Variants in UBASH3B observed in about 807,000 individuals in gnomAD.
UBASH3B encodes ubiquitin-associated and SH3 domain-containing protein B.
In UBASH3B, 37 loss-of-function variants were observed where a neutral mutation model predicts 83.4. That is an observed-to-expected ratio of 0.44 (90% CI 0.34 to 0.58). The LOEUF is 0.58. Among genes scored for constraint, UBASH3B ranks in the 20% least tolerant of loss-of-function variants. UBASH3B has a pLI of 0.01. For synonymous variants in UBASH3B, 304 were observed against 318.3 expected, an observed-to-expected ratio of 0.96 and a Z score of 0.48; for missense variants, 657 against 827.2, an observed-to-expected ratio of 0.79 and a Z score of 2.52.
intron 1 of UBASH3B, among the ~76,000 whole-genome samples, chr11:122,749,790 T>C (rs926980070): frequency 6.6e-6 from 1 of 152,238 alleles, no homozygotes; most frequent in Non-Finnish European, 1.5e-5. Context: ...TGCAATGCAG[T>C]GGCGCTTTCT....
chr11:122,783,490 AG>A (rs1472317484), intron 5 of UBASH3B, among the ~76,000 whole-genome samples: 1 of 152,212 alleles, frequency 6.6e-6, no homozygotes, highest in Non-Finnish European at 1.5e-5. Flanking sequence ...CCAGCAAAAA[AG>A]AAATGAAATG....
chr11:122,702,574 G>A (rs1306923953), intron 1 of UBASH3B, among the ~76,000 whole-genome samples: 2 of 151,874 alleles, frequency 1.3e-5, no homozygotes, highest in Non-Finnish European at 2.9e-5. Flanking sequence ...GCCGAGGCTG[G>A]AGTGCAATGG....
At chr11:122,694,549 C>T (rs535015911) in intron 1 of UBASH3B, among the ~76,000 whole-genome samples, 1 of 151,424 alleles carries the variant, frequency 6.6e-6, no homozygotes, top group African/African-American at 2.4e-5. Context: ...CCAGTCTGGG[C>T]AATATAGCAA....
intron 1 of UBASH3B, among the ~76,000 whole-genome samples, chr11:122,691,953 G>A (rs1447680669): frequency 6.6e-6 from 1 of 152,160 alleles, no homozygotes; most frequent in Non-Finnish European, 1.5e-5. Context: ...GATCATGAAG[G>A]AGGGCGGTAG....
chr11:122,764,633 G>C (rs191973044), intron 1 of UBASH3B, among the ~76,000 whole-genome samples: 2 of 152,222 alleles, frequency 1.3e-5, no homozygotes, highest in African/African-American at 4.8e-5. Flanking sequence ...ACTGAATTGC[G>C]TGGATCTTAT....
chr11:122,782,796 G>A (rs538059718), intron 4 of UBASH3B: 4 of 396,920 alleles, frequency 1.0e-5, no homozygotes, highest in Non-Finnish European at 1.8e-5. Flanking sequence ...TAACTAAAAG[G>A]ACTGCCCTCA....
At chr11:122,714,374 G>A (rs1864239696) in intron 1 of UBASH3B, among the ~76,000 whole-genome samples, 1 of 152,196 alleles carries the variant, frequency 6.6e-6, no homozygotes, top group South Asian at 2.1e-4. Flanking sequence ...TCCTGAAATT[G>A]CTACCTATTG....
intron 1 of UBASH3B, among the ~76,000 whole-genome samples, chr11:122,688,797 A>G (rs1196631072): frequency 1.3e-5 from 2 of 151,994 alleles, no homozygotes; most frequent in African/African-American, 4.8e-5. Context: ...GGCGCCCGCC[A>G]CCACGCCCGG....
chr11:122,682,267 A>G (rs751463348), intron 1 of UBASH3B, among the ~76,000 whole-genome samples: 4 of 152,162 alleles, frequency 2.6e-5, no homozygotes, highest in Non-Finnish European at 4.4e-5. Context: ...GGAGCCACCA[A>G]CAGACACAAG....
At chr11:122,717,880 C>T (rs1337803293) in intron 1 of UBASH3B, among the ~76,000 whole-genome samples, 4 of 151,666 alleles carry the variant, frequency 2.6e-5, no homozygotes, top group Middle Eastern at 3.4e-3. Context: ...TTCAACTGTA[C>T]GTGGATTTCT....
intron 4 of UBASH3B, among the ~76,000 whole-genome samples, chr11:122,781,648 G>T (rs1233678234): frequency 6.6e-6 from 1 of 152,204 alleles, no homozygotes; most frequent in Non-Finnish European, 1.5e-5. Context: ...AGCTGGTCCC[G>T]CTCCTTATTA....
At chr11:122,795,581 C>T (rs148419520) in intron 7 of UBASH3B, among the ~76,000 whole-genome samples, 16 of 152,318 alleles carry the variant, frequency 1.1e-4, no homozygotes, top group African/African-American at 3.6e-4. Flanking sequence ...TGTCATCACC[C>T]AGAGGTAGCA....
intron 1 of UBASH3B, among the ~76,000 whole-genome samples, chr11:122,661,373 C>G (rs1479464135): frequency 6.6e-6 from 1 of 152,182 alleles, no homozygotes; most frequent in Admixed American, 6.5e-5. Flanking sequence ...ATTAAAGTAT[C>G]TGGTTTCCCT....
At chr11:122,697,550 A>C (rs1232623871) in intron 1 of UBASH3B, among the ~76,000 whole-genome samples, 1 of 152,230 alleles carries the variant, frequency 6.6e-6, no homozygotes, top group Admixed American at 6.5e-5. Flanking sequence ...AGAGTTCCAG[A>C]GATTTCTAGT....
At chr11:122,706,264 C>T (rs917004448) in intron 1 of UBASH3B, among the ~76,000 whole-genome samples, 3 of 151,904 alleles carry the variant, frequency 2.0e-5, no homozygotes, top group East Asian at 3.9e-4. Flanking sequence ...TACAGGCATG[C>T]GCCACAGAGC....
chr11:122,808,195 T>C lies in UBASH3B; in HGVS notation c.1812+19T>C, dbSNP rs777170280. 1 of 1,600,928 alleles carries C rather than the reference T, an allele frequency of 6.2e-7. No homozygotes were observed. Among genetic ancestry groups the C allele is most frequent in the South Asian group, 1.1e-5 (1 of 90,712 alleles). On this transcript the variant is annotated intron_variant, in intron 13 of 13. Coordinates refer to ENST00000284273, the MANE Select transcript of UBASH3B (RefSeq NM_032873.5). The stretch of plus-strand genomic sequence containing the variant: ...CCGAAAGGTAATTCATTCTCGTACT[T>C]TGGGGTCCGTGATGGCTAGTAGTTT...
chr11:122,748,696 G>A (rs1861157634), intron 1 of UBASH3B, among the ~76,000 whole-genome samples: 1 of 152,198 alleles, frequency 6.6e-6, no homozygotes. Flanking sequence ...CTCTGTGAGT[G>A]TCCATCCAAG....
At chr11:122,797,876 G>C (rs1454453515) in intron 9 of UBASH3B, among the ~76,000 whole-genome samples, 1 of 152,164 alleles carries the variant, frequency 6.6e-6, no homozygotes, top group African/African-American at 2.4e-5. Context: ...CTTGTGTCTA[G>C]AGTATAAATT....
chr11:122,771,319 G>A (rs1389561245), intron 1 of UBASH3B, among the ~76,000 whole-genome samples: 11 of 149,626 alleles, frequency 7.4e-5, no homozygotes, highest in South Asian at 2.1e-4. Flanking sequence ...TGCATCCTCC[G>A]CCTCCCAGGT....
Sources: allele counts gnomAD v4.1 joint callset (sites outside exome capture counted in the v4.1 genomes callset), GRCh38; gene constraint gnomAD v4.1.1; transcripts MANE v1.5; gene names NCBI Gene and HGNC (gene_info 2026-07-23, HGNC 2026-07-21).